DIDO1: variants seen among roughly 807,000 people sequenced by gnomAD.
DIDO1 encodes the protein death-inducer obliterator 1.
Under a neutral mutation model 99.4 loss-of-function variants are expected in DIDO1, and 16 were observed. The ratio of observed to expected loss-of-function variants is 0.16; its 90% CI spans 0.11 to 0.24. DIDO1 has a LOEUF of 0.24. DIDO1 is among the 10% of genes least tolerant of loss of function. DIDO1 has a pLI of 1.00. For synonymous variants in DIDO1, 1,366 were observed against 1,239.1 expected (o/e 1.10, Z -2.15); for missense variants, 2,996 against 3,014.0 (o/e 0.99, Z 0.14).
At chr20:62,928,619 A>T (rs1214034092), upstream of DIDO1, 1 of 152,258 alleles carries the variant, frequency 6.6e-6, no homozygotes, top group Non-Finnish European at 1.5e-5. Context: ...CTAGCAAAAG[A>T]ATACTTTTTC....
At chr20:62,892,678 G>A in intron 13 of DIDO1, 131 bp downstream of exon 13, 2 of 1,261,108 alleles carry the variant, frequency 1.6e-6, no homozygotes, top group Non-Finnish European at 2.1e-6. Flanking sequence ...CAGACAGACG[G>A]TTGCAAGAGT....
chr20:62,903,955 A>C (rs2064743589), intron 6 of DIDO1, among the ~76,000 whole-genome samples: 1 of 152,158 alleles, frequency 6.6e-6, no homozygotes, highest in Non-Finnish European at 1.5e-5. Flanking sequence ...GCAGGCAGGA[A>C]GCAATAACCC....
At chr20:62,929,692 A>AAAAAAAAAAAAAAAAATAT, upstream of DIDO1, among the ~76,000 whole-genome samples, 1 of 63,710 alleles carries the variant, frequency 1.6e-5, no homozygotes, top group African/African-American at 7.6e-5. Context: ...AAAAAGAAAA[A>AAAAAAAAAAAAAAAAATAT]GTGTATATAT....
chr20:62,897,631 C>A (rs1181919473), intron 6 of DIDO1, among the ~76,000 whole-genome samples: 1 of 152,234 alleles, frequency 6.6e-6, no homozygotes, highest in African/African-American at 2.4e-5. Context: ...CCATTCACAG[C>A]CCTCAGGCTG....
chr20:62,890,046 G>A (rs886738695), intron 15 of DIDO1: 80 of 985,270 alleles, frequency 8.1e-5, no homozygotes, highest in South Asian at 1.4e-4. Context: ...CATGAGGGGT[G>A]TGGGTGGGAA....
intron 1 of DIDO1, among the ~76,000 whole-genome samples, chr20:62,920,464 G>A (rs1021486483): frequency 1.3e-5 from 2 of 152,180 alleles, no homozygotes; most frequent in Non-Finnish European, 2.9e-5. Context: ...CAGCTTTACC[G>A]GTGACAGCGC....
chr20:62,891,265 C>T (rs185417341), intron 14 of DIDO1, 110 bp from the exon 15 acceptor site: 3 of 1,507,662 alleles, frequency 2.0e-6, no homozygotes, highest in East Asian at 2.4e-5. Flanking sequence ...CTCCGACTCA[C>T]AGCCACGATC....
intron 6 of DIDO1, among the ~76,000 whole-genome samples, chr20:62,902,838 T>A (rs2064713732): frequency 6.6e-6 from 1 of 152,230 alleles, no homozygotes; most frequent in African/African-American, 2.4e-5. Flanking sequence ...GAATCTGCTT[T>A]GCAGTCAAAA....
rs566078807 is a variant in DIDO1 at position 62,917,369 on chromosome 20, C to G, written c.-199-2963G>C. ...CCAATCTCCAAGAAGACTTTAATTACTAGAAAGCCATCAGGTTTACAATGG... is the reference window on the plus strand; with the variant it reads ...CCAATCTCCAAGAAGACTTTAATTAGTAGAAAGCCATCAGGTTTACAATGG... On this transcript the variant is annotated intron_variant, in intron 1 of 15. Coordinates refer to ENST00000395343, the MANE Select transcript of DIDO1 (RefSeq NM_001193369.2). Among the ~76,000 whole-genome samples, 6 of 152,342 alleles carry G rather than the reference C, an allele frequency of 3.9e-5. No individual in the cohort carries two copies. In the South Asian group the frequency reaches 1.2e-3, roughly 32 times the overall value.
chr20:62,895,013 TCCTGGGTG>T, intron 9 of DIDO1, 28 bp downstream of exon 9: 1 of 1,596,626 alleles, frequency 6.3e-7, no homozygotes, highest in Non-Finnish European at 8.6e-7. Flanking sequence ...TAAGCTCGAG[TCCTGGGTG>T]CCTCCGCAGG....
chr20:62,883,510 G>A (rs945237924), intron 15 of DIDO1, among the ~76,000 whole-genome samples: 9 of 151,824 alleles, frequency 5.9e-5, no homozygotes, highest in Non-Finnish European at 1.5e-5. Flanking sequence ...GGCCAACGTG[G>A]TGAAACCCCG....
chr20:62,890,635 T>G, intron 15 of DIDO1: 4 of 1,198,248 alleles, frequency 3.3e-6, no homozygotes, highest in South Asian at 2.1e-5. Flanking sequence ...CCGCTGGGAG[T>G]GTCACCTCCC....
chr20:62,899,046 G>C (rs2064601023), intron 6 of DIDO1, among the ~76,000 whole-genome samples: 1 of 152,112 alleles, frequency 6.6e-6, no homozygotes, highest in Non-Finnish European at 1.5e-5. Context: ...GGTGGGGTGA[G>C]GATGGAATGA....
At chr20:62,889,319 T>C (rs1600923360) in intron 15 of DIDO1, 1 of 985,282 alleles carries the variant, frequency 1.0e-6, no homozygotes, top group African/African-American at 1.7e-5. Flanking sequence ...CACTGCCCAG[T>C]GTGGGGAACC....
intron 6 of DIDO1, among the ~76,000 whole-genome samples, chr20:62,903,479 G>A (rs1163658522): frequency 1.3e-5 from 2 of 152,288 alleles, no homozygotes; most frequent in East Asian, 3.9e-4. Flanking sequence ...ACCAGGGAGG[G>A]CGAGCTCCGT....
At chr20:62,883,096 G>C (rs546901102) in intron 15 of DIDO1, among the ~76,000 whole-genome samples, 9 of 151,738 alleles carry the variant, frequency 5.9e-5, no homozygotes, top group African/African-American at 2.2e-4. Context: ...GCTAATTTTT[G>C]TGTTTTTAGT....
At chr20:62,910,672 A>G in intron 3 of DIDO1, 102 bp downstream of exon 3, 2 of 1,336,624 alleles carry the variant, frequency 1.5e-6, no homozygotes, top group Non-Finnish European at 2.1e-6. Flanking sequence ...TTTTCCAACA[A>G]ATCGCTCATC....
intron 1 of DIDO1, among the ~76,000 whole-genome samples, chr20:62,921,811 G>GTT (rs1164890530): frequency 2.7e-5 from 4 of 150,524 alleles, no homozygotes; most frequent in South Asian, 2.1e-4. Flanking sequence ...TTGTGTGTGT[G>GTT]TGTATATCCA....
chr20:62,921,879 T>A (rs2065144360), intron 1 of DIDO1, among the ~76,000 whole-genome samples: 1 of 150,550 alleles, frequency 6.6e-6, no homozygotes, highest in African/African-American at 2.4e-5. Context: ...ATATCCACAA[T>A]ATATATACAC....
Sources: allele counts gnomAD v4.1 joint callset (sites outside exome capture counted in the v4.1 genomes callset), GRCh38; gene constraint gnomAD v4.1.1; transcripts MANE v1.5; gene names NCBI Gene and HGNC (gene_info 2026-07-23, HGNC 2026-07-21).